The following L3MBTL4 variants were observed in gnomAD, a reference collection of about 807,000 sequenced individuals.
L3MBTL4 encodes lethal(3)malignant brain tumor-like protein 4.
In L3MBTL4, 70 loss-of-function variants were observed where a neutral mutation model predicts 84.5. That is an observed-to-expected ratio of 0.83 (90% CI 0.68 to 1.01). L3MBTL4 has a LOEUF of 1.01. L3MBTL4 is among the 50% of genes least tolerant of loss of function. L3MBTL4 has a pLI of 0.00. For missense variants in L3MBTL4, 715 were observed against 754.8 expected (o/e 0.95, Z 0.62); for synonymous variants, 274 against 259.8 (o/e 1.05, Z -0.52).
chr18:6,077,344 A>G (rs1030787983), intron 16 of L3MBTL4, among the ~76,000 whole-genome samples: 2 of 152,190 alleles, frequency 1.3e-5, no homozygotes, highest in African/African-American at 4.8e-5. Context: ...TTATCATTAC[A>G]AAGTAATTAA....
At chr18:6,336,397 A>G (rs1237060879) in intron 1 of L3MBTL4, among the ~76,000 whole-genome samples, 6 of 152,210 alleles carry the variant, frequency 3.9e-5, no homozygotes, top group South Asian at 2.1e-4. Flanking sequence ...ACCCTCAAAC[A>G]CATGAAGAGT....
At chr18:6,300,266 C>G (rs369547984) in intron 4 of L3MBTL4, among the ~76,000 whole-genome samples, 2 of 152,110 alleles carry the variant, frequency 1.3e-5, no homozygotes, top group African/African-American at 2.4e-5. Flanking sequence ...CCAATTTGCA[C>G]GACAACTAGC....
At chr18:6,349,867 T>G (rs2053095556) in intron 1 of L3MBTL4, among the ~76,000 whole-genome samples, 1 of 152,096 alleles carries the variant, frequency 6.6e-6, no homozygotes, top group African/African-American at 2.4e-5. Context: ...GCTTCTAGGG[T>G]CCTACTAATG....
chr18:6,121,430 G>A (rs2059522606), intron 14 of L3MBTL4, among the ~76,000 whole-genome samples: 1 of 152,062 alleles, frequency 6.6e-6, no homozygotes, highest in Non-Finnish European at 1.5e-5. Context: ...AACAGAAATT[G>A]GAATATGATG....
intron 1 of L3MBTL4, among the ~76,000 whole-genome samples, chr18:6,339,848 T>G (rs1224346734): frequency 6.6e-6 from 1 of 152,236 alleles, no homozygotes; most frequent in East Asian, 1.9e-4. Context: ...AGAATAAAAT[T>G]TCTTAAAAAT....
At chr18:6,210,997 A>T (rs1156864209) in intron 12 of L3MBTL4, among the ~76,000 whole-genome samples, 2 of 152,204 alleles carry the variant, frequency 1.3e-5, no homozygotes, top group Non-Finnish European at 2.9e-5. Flanking sequence ...TTTTCCATAC[A>T]TGACCTCATT....
chr18:6,401,329 G>A (rs1352226913), intron 1 of L3MBTL4, among the ~76,000 whole-genome samples: 2 of 152,162 alleles, frequency 1.3e-5, no homozygotes, highest in African/African-American at 4.8e-5. Flanking sequence ...AATTTTATAT[G>A]TAATGCTGCA....
At chr18:6,257,269 C>T (rs2146303218) in intron 5 of L3MBTL4, among the ~76,000 whole-genome samples, 1 of 152,142 alleles carries the variant, frequency 6.6e-6, no homozygotes, top group Admixed American at 6.5e-5. Context: ...TCCCGGGAAC[C>T]AGAGGGCAGA....
intron 16 of L3MBTL4, among the ~76,000 whole-genome samples, chr18:6,014,314 C>G (rs954735458): frequency 6.6e-6 from 1 of 152,170 alleles, no homozygotes; most frequent in Non-Finnish European, 1.5e-5. Flanking sequence ...TTTGAAGAAG[C>G]CTGATTTTCA....
At chr18:6,166,022 G>A (rs960920158) in intron 13 of L3MBTL4, among the ~76,000 whole-genome samples, 1 of 152,142 alleles carries the variant, frequency 6.6e-6, no homozygotes, top group Non-Finnish European at 1.5e-5. Context: ...AAAGGCAGGG[G>A]TTGCAATCCT....
chr18:6,218,343 G>A (rs1346627519), intron 10 of L3MBTL4, among the ~76,000 whole-genome samples: 1 of 152,146 alleles, frequency 6.6e-6, no homozygotes, highest in East Asian at 1.9e-4. Flanking sequence ...TCACATTTTG[G>A]ATCTCCACAT....
chr18:6,310,961 T>C (rs140406607), intron 3 of L3MBTL4, among the ~76,000 whole-genome samples: 1 of 152,016 alleles, frequency 6.6e-6, no homozygotes, highest in African/African-American at 2.4e-5. Flanking sequence ...AAAAAACAGG[T>C]CCCCCAAGGA....
chr18:6,217,526 G>T (rs1168506887), intron 10 of L3MBTL4, among the ~76,000 whole-genome samples: 1 of 152,130 alleles, frequency 6.6e-6, no homozygotes, highest in Non-Finnish European at 1.5e-5. Flanking sequence ...CTATTCTACT[G>T]ATTGTGGTCA....
chr18:6,107,725 G>A (rs1450169005), intron 14 of L3MBTL4, among the ~76,000 whole-genome samples: 1 of 152,178 alleles, frequency 6.6e-6, no homozygotes, highest in Non-Finnish European at 1.5e-5. Flanking sequence ...TTCTGCAGGT[G>A]AGCAGAGGTA....
At position 6,244,602 on chromosome 18, in the gene L3MBTL4, C is replaced by T. The variant is rs772104203; in HGVS notation, c.220-14G>A. 1.9e-5 allele frequency: 29 copies of T among 1,548,790 alleles called. No homozygotes were observed. The highest frequency in any genetic ancestry group is 5.6e-5 in the South Asian group (5 of 89,508). On this transcript the variant is annotated splice_polypyrimidine_tract_variant and intron_variant, in intron 5 of 18. Transcript: ENST00000317931. ...AAAGGACTGATCCTACAAAATTTCA[C>T]GACATAACATTAGCCACTGAGATTT...
intron 13 of L3MBTL4, among the ~76,000 whole-genome samples, chr18:6,157,339 C>A (rs915695037): frequency 3.3e-5 from 5 of 152,196 alleles, no homozygotes; most frequent in African/African-American, 1.2e-4. Flanking sequence ...CTCGGAATGA[C>A]ATCCATCCAT....
chr18:6,282,977 G>A (rs1429382166), intron 4 of L3MBTL4, among the ~76,000 whole-genome samples: 1 of 152,186 alleles, frequency 6.6e-6, no homozygotes, highest in Admixed American at 6.5e-5. Context: ...GTCCTGGCTT[G>A]TGCTGCTGAT....
chr18:6,322,664 A>G (rs532017963), intron 1 of L3MBTL4, among the ~76,000 whole-genome samples: 1 of 152,338 alleles, frequency 6.6e-6, no homozygotes, highest in African/African-American at 2.4e-5. Flanking sequence ...ACAACAGAGT[A>G]TTATTCAACC....
intron 10 of L3MBTL4, among the ~76,000 whole-genome samples, chr18:6,232,688 G>C (rs1568353246): frequency 6.6e-6 from 1 of 151,982 alleles, no homozygotes; most frequent in Non-Finnish European, 1.5e-5. Flanking sequence ...GCCTACCTTA[G>C]AAAAATCCAG....
Sources: allele counts gnomAD v4.1 joint callset (sites outside exome capture counted in the v4.1 genomes callset), GRCh38; gene constraint gnomAD v4.1.1; transcripts MANE v1.5; gene names NCBI Gene and HGNC (gene_info 2026-07-23, HGNC 2026-07-21).